Variants in RPL27 observed in about 807,000 individuals in gnomAD.
RPL27 encodes the protein large ribosomal subunit protein eL27.
For synonymous variants in RPL27, 77 were observed against 61.0 expected (o/e 1.26, Z -1.22); for missense variants, 131 against 174.3 (o/e 0.75, Z 1.40).
intron 3 of RPL27, among the ~76,000 whole-genome samples, chr17:43,002,370 G>A (rs533817714): frequency 6.6e-6 from 1 of 151,974 alleles, no homozygotes; most frequent in Admixed American, 6.6e-5. Flanking sequence ...AGCCAGGCCT[G>A]ATGGCGGGCA....
intron 3 of RPL27, among the ~76,000 whole-genome samples, chr17:43,001,045 G>C (rs535404602): frequency 1.4e-5 from 2 of 144,918 alleles, no homozygotes; most frequent in Admixed American, 1.4e-4. Flanking sequence ...GCAAAGCTCC[G>C]TCTCAAAGAG....
In RPL27 at chr17:42,999,927, A is replaced by G. The variant is rs1286852839; in HGVS notation, c.82-6A>G. The G allele has an allele frequency of 1.2e-6, 2 of 1,610,526 alleles. No homozygotes were observed. The highest frequency in any genetic ancestry group is 1.7e-6 in the Non-Finnish European group (2 of 1,178,602). ...TGAATAACAAATGTAATTCTTACTC[A>G]TTTAGAACATTGATGATGGCACCTC... On this transcript the variant is annotated splice_polypyrimidine_tract_variant and splice_region_variant and intron_variant, in intron 2 of 4. Coordinates refer to ENST00000253788, the MANE Select transcript of RPL27 (RefSeq NM_000988.5).
chr17:43,002,845 TTGG>T, intron 4 of RPL27, 24 bp from the exon 5 acceptor site: 1 of 1,611,486 alleles, frequency 6.2e-7, no homozygotes, highest in Non-Finnish European at 8.5e-7. Context: ...CCTTTCCTCA[TTGG>T]TGTCCTCTTT....
intron 1 of RPL27, 88 bp from the exon 2 acceptor site, chr17:42,998,661 C>G (rs2050325609): frequency 9.5e-7 from 1 of 1,047,462 alleles, no homozygotes; most frequent in East Asian, 2.4e-5. Flanking sequence ...AGTTCCGGCC[C>G]AAGACCTGGG....
At chr17:43,001,380 C>T (rs1476268670) in intron 3 of RPL27, among the ~76,000 whole-genome samples, 2 of 152,104 alleles carry the variant, frequency 1.3e-5, no homozygotes, top group East Asian at 1.9e-4. Context: ...AATCCCAGCA[C>T]TTTGGGAGGC....
chr17:42,998,706 C>G, intron 1 of RPL27, 43 bp from the exon 2 acceptor site: 1 of 1,493,562 alleles, frequency 6.7e-7, no homozygotes, highest in Non-Finnish European at 9.3e-7. Flanking sequence ...GCATCTTTGG[C>G]TTTACGGATT....
chr17:43,002,349 T>C (rs935304868), intron 3 of RPL27, among the ~76,000 whole-genome samples: 3 of 150,424 alleles, frequency 2.0e-5, no homozygotes, highest in South Asian at 4.2e-4. Flanking sequence ...ACTAAAAAAA[T>C]ACAAAAAATT....
At chr17:43,001,045 G>A (rs535404602) in intron 3 of RPL27, among the ~76,000 whole-genome samples, 38 of 144,918 alleles carry the variant, frequency 2.6e-4, no homozygotes, top group African/African-American at 6.9e-4. Context: ...GCAAAGCTCC[G>A]TCTCAAAGAG....
intron 3 of RPL27, among the ~76,000 whole-genome samples, chr17:43,000,563 G>A (rs970359086): frequency 1.4e-5 from 2 of 148,022 alleles, no homozygotes; most frequent in Non-Finnish European, 3.0e-5. Flanking sequence ...TCAGCCTCCC[G>A]AGTAGCTGGG....
intron 1 of RPL27, 132 bp from the exon 2 acceptor site, chr17:42,998,617 G>A: frequency 1.5e-6 from 1 of 666,726 alleles, no homozygotes; most frequent in Admixed American, 2.4e-5. Flanking sequence ...GCCCTCGGGC[G>A]GCCTTGACCA....
intron 3 of RPL27, 22 bp from the exon 4 acceptor site, chr17:43,002,651 G>C: frequency 6.7e-7 from 1 of 1,487,804 alleles, no homozygotes; most frequent in Non-Finnish European, 9.4e-7. Context: ...GGCTAATCCT[G>C]CCTCTCCACC....
At chr17:43,000,174 C>A in intron 3 of RPL27, 72 bp downstream of exon 3, 1 of 1,156,960 alleles carries the variant, frequency 8.6e-7, no homozygotes, top group Admixed American at 1.9e-5. Flanking sequence ...GACCTTGCAG[C>A]CATTCCAACA....
chr17:43,002,512 A>G (rs1038205771), intron 3 of RPL27, among the ~76,000 whole-genome samples, 161 bp from the exon 4 acceptor site: 1 of 152,204 alleles, frequency 6.6e-6, no homozygotes, highest in African/African-American at 2.4e-5. Flanking sequence ...GTCTCAAAAA[A>G]AAAAAAGTGT....
At position 43,002,636 on chromosome 17, in the gene RPL27, A is replaced by G. The variant is rs774930527; in HGVS notation, c.252-37A>G. Reference sequence around the variant, plus strand: ...TGGGCTGTATAGGGGCCCCGGCAGTATGTGGGCTAATCCTGCCTCTCCACC... The same window carrying G: ...TGGGCTGTATAGGGGCCCCGGCAGTGTGTGGGCTAATCCTGCCTCTCCACC... On this transcript the variant is annotated intron_variant, in intron 3 of 4. Coordinates refer to ENST00000253788, the MANE Select transcript of RPL27 (RefSeq NM_000988.5). 4 of 1,318,212 alleles carry G rather than the reference A, an allele frequency of 3.0e-6. No individual in the cohort carries two copies. The Admixed American group carries it at 6.7e-5, about 22-fold the overall frequency. 81.7% of individuals were successfully genotyped at this position (1,318,212 alleles called of 1,614,324 possible).
chr17:43,001,832 T>C (rs2050365174), intron 3 of RPL27, among the ~76,000 whole-genome samples: 1 of 150,546 alleles, frequency 6.6e-6, no homozygotes, highest in Admixed American at 6.6e-5. Flanking sequence ...TGGCTCAGGC[T>C]TGTAATCCCA....
At chr17:42,999,616 C>A (rs566186387) in intron 2 of RPL27, 1 of 278,460 alleles carries the variant, frequency 3.6e-6, no homozygotes, top group African/African-American at 2.2e-5. Flanking sequence ...CTGTACACTT[C>A]ACTAGCAGTG....
Position 43,002,789 on chromosome 17 carries a change from T to C in RPL27, c.362+6T>C, listed in dbSNP as rs764322165. ...AAGGTCAAGTTTGAAGAGAGGTAAG[T>C]AGGCTTTGGTAGTGAATGGTGGAGT... On this transcript the variant is annotated splice_donor_region_variant and intron_variant, in intron 4 of 4. Coordinates refer to ENST00000253788, the MANE Select transcript of RPL27 (RefSeq NM_000988.5). The C allele has an allele frequency of 7.5e-6, 12 of 1,608,130 alleles. No individual in the cohort carries two copies. In the African/African-American group the frequency reaches 1.3e-4, roughly 18 times the overall value.
chr17:42,998,739 C>T lies in RPL27; in HGVS notation c.-2-10C>T, dbSNP rs1185118929. 5 of 1,610,478 alleles carry T rather than the reference C, an allele frequency of 3.1e-6. No individual in the cohort carries two copies. Among genetic ancestry groups the T allele is most frequent in the Non-Finnish European group, 4.2e-6 (5 of 1,177,008 alleles). On this transcript the variant is annotated splice_polypyrimidine_tract_variant and intron_variant, in intron 1 of 4. Transcript: ENST00000253788. ...ATTTTTAAGTGGCCCTTTCTCCTTG[C>T]TCTCTGCAGAAATGGGCAAGTTCAT...
intron 3 of RPL27, among the ~76,000 whole-genome samples, chr17:43,000,793 G>T (rs2050353185): frequency 6.7e-6 from 1 of 150,108 alleles, no homozygotes; most frequent in South Asian, 2.2e-4. Flanking sequence ...AATGGCTCAC[G>T]CCTGTAATCC....
Sources: gnomAD v4.1 joint callset for allele counts (sites outside exome capture counted in the v4.1 genomes callset) on GRCh38, gnomAD v4.1.1 for gene constraint, MANE v1.5 for transcripts, NCBI Gene and HGNC (gene_info 2026-07-23, HGNC 2026-07-21) for gene names.